Variants in MAN2B2 observed in about 807,000 individuals in gnomAD.
MAN2B2 encodes the protein epididymis-specific alpha-mannosidase.
In MAN2B2, 106 loss-of-function variants were observed where a neutral mutation model predicts 117.1. The ratio of observed to expected loss-of-function variants is 0.90; its 90% CI spans 0.77 to 1.06. The LOEUF (loss-of-function observed/expected upper bound fraction) is 1.06, where lower values mean the gene tolerates loss of function less well. MAN2B2 is among the 50% of genes least tolerant of loss of function. The pLI is 0.00. For missense variants in MAN2B2, 1,326 were observed against 1,381.4 expected (o/e 0.96, Z 0.64); for synonymous variants, 544 against 595.1 (o/e 0.91, Z 1.25).
chr4:6,617,708 T>C, intron 17 of MAN2B2: 1 of 797,846 alleles, frequency 1.3e-6, no homozygotes, highest in Admixed American at 3.2e-5. Flanking sequence ...TGAGACAGGA[T>C]CTCACTCTGT....
In MAN2B2 at chr4:6,592,093, C is replaced by T. The variant is rs766182763; in HGVS notation, c.681-1080C>T. On this transcript the variant is annotated intron_variant, in intron 5 of 18. Coordinates refer to ENST00000285599, the MANE Select transcript of MAN2B2 (RefSeq NM_015274.3). Reference sequence around the variant, plus strand: ...CAGCCTTGGTCTCTGTGCAGTCAGACGGCCCTGGGTTCAAATCCGCACTCT... The same window carrying T: ...CAGCCTTGGTCTCTGTGCAGTCAGATGGCCCTGGGTTCAAATCCGCACTCT... Among the ~76,000 whole-genome samples the T allele has an allele frequency of 7.2e-5, 11 of 152,188 alleles. No homozygotes were observed. The East Asian group carries it at 9.6e-4, about 13-fold the overall frequency.
At chr4:6,579,606 C>T (rs999563967) in intron 3 of MAN2B2, among the ~76,000 whole-genome samples, 2 of 151,070 alleles carry the variant, frequency 1.3e-5, no homozygotes, top group Admixed American at 6.6e-5. Context: ...CCACCATCAT[C>T]TTCACCACTA....
rs202179429 is a variant in MAN2B2 at position 6,609,212 on chromosome 4, C to T, written c.1920C>T (p.Gly640=). 1 of 1,614,214 alleles carries T rather than the reference C, an allele frequency of 6.2e-7. No homozygotes were observed. The highest frequency in any genetic ancestry group is 8.5e-7 in the Non-Finnish European group (1 of 1,180,034). The change falls in exon 12 of 19, where the codon GGC becomes GGT. Residue 640 remains glycine (G), a synonymous_variant. Coordinates refer to ENST00000285599, the MANE Select transcript of MAN2B2 (RefSeq NM_015274.3). ...CCGATAACTACCTGTTCACACCGGG[C>T]AAGGCCGCGGTGCCTGCGTGGGAAG... is the stretch of plus-strand genomic sequence containing the variant. ...PISDNYLFTP[G]KAAVPAWEAV...
chr4:6,609,384 C>T (rs1360518826), intron 12 of MAN2B2, 86 bp downstream of exon 12: 4 of 1,344,954 alleles, frequency 3.0e-6, no homozygotes, highest in Non-Finnish European at 3.1e-6. Context: ...TCTGTCTTTG[C>T]TCTGAACCCC....
At chr4:6,587,747 GTTGTTTT>G (rs1726692016) in intron 4 of MAN2B2, among the ~76,000 whole-genome samples, 1 of 103,128 alleles carries the variant, frequency 9.7e-6, no homozygotes, top group Non-Finnish European at 2.0e-5. Flanking sequence ...CTTTTGGGTT[GTTGTTTT>G]TTTTTTTTTT....
At chr4:6,575,826 G>A (rs1371343069) in intron 1 of MAN2B2, among the ~76,000 whole-genome samples, 1 of 152,108 alleles carries the variant, frequency 6.6e-6, no homozygotes, top group East Asian at 1.9e-4. Context: ...CTTGGGCGAG[G>A]GGCTTTGGTC....
intron 4 of MAN2B2, among the ~76,000 whole-genome samples, chr4:6,587,525 C>G (rs1461573094): frequency 6.6e-6 from 1 of 152,086 alleles, no homozygotes. Context: ...AGAGGAATGG[C>G]AGGGTGTGTT....
chr4:6,596,317 A>T (rs986855623), intron 7 of MAN2B2, among the ~76,000 whole-genome samples: 1 of 151,778 alleles, frequency 6.6e-6, no homozygotes, highest in African/African-American at 2.4e-5. Flanking sequence ...GCTGTGGAGG[A>T]CCCCATCTGA....
intron 3 of MAN2B2, among the ~76,000 whole-genome samples, chr4:6,579,310 C>T (rs868716718): frequency 4.8e-3 from 344 of 72,050 alleles, no homozygotes; most frequent in Non-Finnish European, 7.2e-3. Flanking sequence ...ATCACCACCA[C>T]CACCACCATC....
At chr4:6,588,336 G>A (rs1481019935) in intron 4 of MAN2B2, among the ~76,000 whole-genome samples, 2 of 152,160 alleles carry the variant, frequency 1.3e-5, no homozygotes, top group Admixed American at 1.3e-4. Context: ...GTGCATGTTT[G>A]TGTCTCAATT....
At chr4:6,609,074 G>A (rs560947416) in intron 11 of MAN2B2, 33 bp from the exon 12 acceptor site, 13 of 1,590,052 alleles carry the variant, frequency 8.2e-6, no homozygotes, top group African/African-American at 8.0e-5. Flanking sequence ...TGTGCAGGAT[G>A]AGAATGACAT....
chr4:6,605,481 GA>G, intron 11 of MAN2B2, 152 bp downstream of exon 11: 4 of 920,266 alleles, frequency 4.3e-6, no homozygotes, highest in Non-Finnish European at 6.3e-6. Context: ...TTTAATTTTA[GA>G]AGTGTGAGCC....
rs1222928261 is a variant in MAN2B2 at position 6,622,809 on chromosome 4, G to C, written c.*1524G>C. Reference sequence around the variant, plus strand: ...CTCTAGGGCTGAAGGAAAGTACCCAGAAAGGACCAGCTTGGAAGGAGTCAG... The same window carrying C: ...CTCTAGGGCTGAAGGAAAGTACCCACAAAGGACCAGCTTGGAAGGAGTCAG... On this transcript the variant is annotated 3_prime_UTR_variant, in exon 19 of 19. Coordinates refer to ENST00000285599, the MANE Select transcript of MAN2B2 (RefSeq NM_015274.3). 6.6e-6 allele frequency: 1 copy of C among 152,000 alleles called. No individual in the cohort carries two copies. The highest frequency in any genetic ancestry group is 1.5e-5 in the Non-Finnish European group (1 of 68,138). 9.4% of individuals were successfully genotyped at this position (152,000 alleles called of 1,614,324 possible).
Position 6,610,905 on chromosome 4 carries a change from C to T in MAN2B2, c.2285C>T (p.Ala762Val), listed in dbSNP as rs1203943601. ...AATTACTACCCCATGGTTCAGTCGGCCTTCATGGAGGATGGCAAAAGCAGG... is the reference window on the plus strand; with the variant it reads ...AATTACTACCCCATGGTTCAGTCGGTCTTCATGGAGGATGGCAAAAGCAGG... ...ARNYYPMVQS[A>V]FMEDGKSRLV... The change falls in exon 14 of 19, where the codon GCC (alanine) becomes GTC (valine). Residue 762 changes from alanine to valine, a missense_variant. Physicochemically the swap from Ala to Val is moderately conservative, Grantham distance 64. Coordinates refer to ENST00000285599, the MANE Select transcript of MAN2B2 (RefSeq NM_015274.3). The T allele has an allele frequency of 6.2e-7, 1 of 1,614,078 alleles. No individual in the cohort carries two copies.
intron 11 of MAN2B2, among the ~76,000 whole-genome samples, chr4:6,607,678 T>C (rs1727606022): frequency 6.6e-6 from 1 of 152,268 alleles, no homozygotes; most frequent in African/African-American, 2.4e-5. Flanking sequence ...CTATCAATAA[T>C]GCTGCTCTGA....
chr4:6,605,583 G>GA (rs375217079), intron 11 of MAN2B2, among the ~76,000 whole-genome samples: 63 of 151,322 alleles, frequency 4.2e-4, no homozygotes, highest in African/African-American at 1.4e-3. Flanking sequence ...CTCACTCTGG[G>GA]AAAAAAAAAT....
chr4:6,603,909 T>C (rs890707896), intron 10 of MAN2B2, among the ~76,000 whole-genome samples: 7 of 152,254 alleles, frequency 4.6e-5, no homozygotes, highest in African/African-American at 9.6e-5. Context: ...TACACCATTA[T>C]TGGGGGGGCC....
chr4:6,610,146 C>G, intron 13 of MAN2B2, 96 bp downstream of exon 13: 1 of 1,496,892 alleles, frequency 6.7e-7, no homozygotes, highest in South Asian at 1.3e-5. Flanking sequence ...GTAGAGGCCT[C>G]CAGTGAGAAT....
rs1357802058 is a variant in MAN2B2 at position 6,617,389 on chromosome 4, G to A, written c.2711G>A (p.Gly904Glu). Residue 904 changes from glycine to glutamate, a missense_variant, in exon 17 of 19, where the codon GGG (glycine) becomes GAG (glutamate). Gly to Glu is a moderately conservative substitution (Grantham distance 98). Coordinates refer to ENST00000285599, the MANE Select transcript of MAN2B2 (RefSeq NM_015274.3). Reference sequence around the variant, plus strand: ...CCTTCTGTCCCCAAAGGCCATCGAGGGGAAGCCCAGGCTGACCTCCGCCGT... The same window carrying A: ...CCTTCTGTCCCCAAAGGCCATCGAGAGGAAGCCCAGGCTGACCTCCGCCGT... Reference protein sequence around the residue: ...HSQNLRKGHRGEAQADLRRVL... With the variant: ...HSQNLRKGHREEAQADLRRVL... 6.2e-7 allele frequency: 1 copy of A among 1,613,960 alleles called. No homozygotes were observed. Among genetic ancestry groups the A allele is most frequent in the Non-Finnish European group, 8.5e-7 (1 of 1,179,938 alleles).
Sources: allele counts gnomAD v4.1 joint callset (sites outside exome capture counted in the v4.1 genomes callset), GRCh38; gene constraint gnomAD v4.1.1; transcripts MANE v1.5; gene names NCBI Gene and HGNC (gene_info 2026-07-23, HGNC 2026-07-21).